The following IGFL2 variants were observed in gnomAD, a reference collection of about 807,000 sequenced individuals.
The protein encoded by IGFL2 is IGF like family member 2.
In IGFL2, 7 loss-of-function variants were observed where a neutral mutation model predicts 13.9. The observed-to-expected ratio is 0.51, with a 90% CI of 0.29 to 0.95. The LOEUF is 0.95. Among genes scored for constraint, IGFL2 ranks in the 40% least tolerant of loss-of-function variants. The pLI is 0.08. For missense variants in IGFL2, 138 were observed against 147.8 expected (o/e 0.93, Z 0.34); for synonymous variants, 55 against 55.8 (o/e 0.99, Z 0.07).
the IGFL2 span, among the ~76,000 whole-genome samples, chr19:46,085,759 ATGGCGT>A: frequency 1.3e-5 from 2 of 152,178 alleles, no homozygotes; most frequent in Admixed American, 1.3e-4. Context: ...GTGGCTGGTA[ATGGCGT>A]TTTGTTTCCA....
At chr19:46,089,074 C>G in the IGFL2 span, among the ~76,000 whole-genome samples, 2 of 151,974 alleles carry the variant, frequency 1.3e-5, no homozygotes, top group African/African-American at 4.8e-5. Flanking sequence ...TCTTACTGTT[C>G]CTTTGTGGTT....
chr19:46,199,059 C>T, the IGFL2 span, among the ~76,000 whole-genome samples: 1 of 152,190 alleles, frequency 6.6e-6, no homozygotes, highest in South Asian at 2.1e-4. Context: ...ATTTGGGTCT[C>T]ATCCAGGGAT....
chr19:46,205,276 C>T, the IGFL2 span, among the ~76,000 whole-genome samples: 4 of 152,264 alleles, frequency 2.6e-5, no homozygotes, highest in East Asian at 7.7e-4. Flanking sequence ...GAAAGGCAGG[C>T]TAGAAGCTTC....
the IGFL2 span, chr19:46,204,139 G>A: frequency 2.0e-5 from 3 of 152,156 alleles, no homozygotes; most frequent in Non-Finnish European, 4.4e-5. Context: ...AGCCCTTTCC[G>A]TGCTTGTTCC....
the IGFL2 span, chr19:46,113,741 G>C: frequency 5.8e-6 from 1 of 172,988 alleles, no homozygotes; most frequent in Non-Finnish European, 1.2e-5. Flanking sequence ...AAGCATGTAA[G>C]TTAGAGCCCT....
chr19:46,168,137 G>A, the IGFL2 span, among the ~76,000 whole-genome samples: 3 of 152,146 alleles, frequency 2.0e-5, no homozygotes, highest in African/African-American at 7.2e-5. Context: ...GTCTCGCTGT[G>A]TTGCCCATCT....
chr19:46,177,100 C>T, the IGFL2 span, among the ~76,000 whole-genome samples: 1 of 149,882 alleles, frequency 6.7e-6, no homozygotes, highest in Non-Finnish European at 1.5e-5. Context: ...CTGTCCTCTA[C>T]TAAAAAAAAA....
chr19:46,187,939 C>T, the IGFL2 span, among the ~76,000 whole-genome samples: 2,293 of 87,244 alleles, frequency 0.026, 4 homozygotes, highest in Middle Eastern at 0.069. Flanking sequence ...TACCTGAGAT[C>T]GTGTTGCTGG....
At chr19:46,080,970 T>C in the IGFL2 span, among the ~76,000 whole-genome samples, 2 of 152,214 alleles carry the variant, frequency 1.3e-5, no homozygotes, top group Non-Finnish European at 2.9e-5. Flanking sequence ...GATCTCCCTG[T>C]GCTTTTACTG....
At chr19:46,152,369 T>C (rs185772851) in intron 1 of IGFL2, among the ~76,000 whole-genome samples, 1 of 151,928 alleles carries the variant, frequency 6.6e-6, no homozygotes, top group Admixed American at 6.6e-5. Context: ...TTCGAACTCC[T>C]GGGCTCAAGT....
At chr19:46,122,462 A>C in the IGFL2 span, among the ~76,000 whole-genome samples, 1 of 151,048 alleles carries the variant, frequency 6.6e-6, no homozygotes, top group Non-Finnish European at 1.5e-5. Flanking sequence ...GATACAGATA[A>C]TAAATGTTAA....
the IGFL2 span, among the ~76,000 whole-genome samples, chr19:46,116,014 A>G: frequency 1.5e-4 from 23 of 151,604 alleles, no homozygotes; most frequent in African/African-American, 5.6e-4. Context: ...TGATGGGTCC[A>G]TTTTTCCTTT....
At chr19:46,116,035 A>G in the IGFL2 span, among the ~76,000 whole-genome samples, 4 of 152,104 alleles carry the variant, frequency 2.6e-5, no homozygotes, top group African/African-American at 4.8e-5. Flanking sequence ...TGTTGATGTT[A>G]TAAGTGGGAC....
chr19:46,120,028 C>G, the IGFL2 span: 1 of 421,670 alleles, frequency 2.4e-6, no homozygotes, highest in Non-Finnish European at 4.3e-6. Flanking sequence ...TCCTGAGCTC[C>G]TGCTCAGTGT....
the IGFL2 span, among the ~76,000 whole-genome samples, chr19:46,110,751 A>G: frequency 6.6e-6 from 1 of 152,342 alleles, no homozygotes; most frequent in African/African-American, 2.4e-5. Context: ...AACACCCAGA[A>G]GTGATTTTTG....
intron 1 of IGFL2, among the ~76,000 whole-genome samples, chr19:46,150,070 C>T (rs569365611): frequency 1.3e-5 from 2 of 152,292 alleles, no homozygotes; most frequent in African/African-American, 4.8e-5. Context: ...TTACAGTCAT[C>T]TGGGTGGGTG....
chr19:46,080,653 G>A, the IGFL2 span, among the ~76,000 whole-genome samples: 3 of 152,200 alleles, frequency 2.0e-5, no homozygotes, highest in Admixed American at 2.0e-4. Context: ...AGTGTCAAGG[G>A]GGTGTGGTGT....
chr19:46,127,561 T>C, the IGFL2 span, among the ~76,000 whole-genome samples: 1 of 152,204 alleles, frequency 6.6e-6, no homozygotes, highest in Non-Finnish European at 1.5e-5. Flanking sequence ...ATGAAAATTA[T>C]CAATCCTCCC....
At chr19:46,137,667 G>T in the IGFL2 span, 32 of 616,054 alleles carry the variant, frequency 5.2e-5, no homozygotes, top group South Asian at 5.3e-4. Context: ...TATGCGGCCA[G>T]TGTGGCCCAG....
Sources: gnomAD v4.1 joint callset for allele counts (sites outside exome capture counted in the v4.1 genomes callset) on GRCh38, gnomAD v4.1.1 for gene constraint, MANE v1.5 for transcripts, NCBI Gene and HGNC (gene_info 2026-07-23, HGNC 2026-07-21) for gene names.